ALK: variants seen among roughly 807,000 people sequenced by gnomAD.
The protein encoded by ALK is ALK receptor tyrosine kinase.
In ALK, 74 loss-of-function variants were observed where a neutral mutation model predicts 163.1. That is an observed-to-expected ratio of 0.45 (90% confidence interval 0.38 to 0.55). The LOEUF (loss-of-function observed/expected upper bound fraction) is 0.55. Among genes scored for constraint, ALK ranks in the 20% least tolerant of loss-of-function variants. The pLI, the probability that ALK is intolerant of heterozygous loss-of-function variation, is 0.00. For missense variants in ALK, 2,063 were observed against 2,105.3 expected (o/e 0.98, Z 0.39); for synonymous variants, 960 against 843.2 (o/e 1.14, Z -2.40).
chr2:29,735,442 G>T (rs776317503), intron 1 of ALK, among the ~76,000 whole-genome samples: 3 of 152,042 alleles, frequency 2.0e-5, no homozygotes, highest in Non-Finnish European at 2.9e-5. Context: ...TAGGTTAAAT[G>T]ATTTAGAAAA....
At chr2:29,761,392 T>C (rs1402341104) in intron 1 of ALK, among the ~76,000 whole-genome samples, 3 of 152,088 alleles carry the variant, frequency 2.0e-5, no homozygotes, top group East Asian at 1.9e-4. Context: ...ATGGGAGCAA[T>C]AGGATGATGA....
chr2:29,548,917 C>T (rs908067587), intron 3 of ALK, among the ~76,000 whole-genome samples: 1 of 151,936 alleles, frequency 6.6e-6, no homozygotes. Context: ...TTTAAAATGC[C>T]TTGAAGTTTG....
In ALK at chr2:29,587,972, T is replaced by C. The variant is rs371157779; in HGVS notation, c.953-55856A>G. Among the ~76,000 whole-genome samples the C allele has an allele frequency of 2.7e-3, 409 of 152,264 alleles. 7 individuals are homozygous for C. Among genetic ancestry groups the C allele is most frequent in the African/African-American group, 9.4e-3 (391 of 41,556 alleles). On this transcript the variant is annotated intron_variant, in intron 3 of 28. Transcript: ENST00000389048. Reference sequence around the variant, plus strand: ...TCCTCTTGGTTCTTGGGCCAAGACATGCCTCTTCTAGTTCAGGAAGCCAGA... The same window carrying C: ...TCCTCTTGGTTCTTGGGCCAAGACACGCCTCTTCTAGTTCAGGAAGCCAGA...
intron 1 of ALK, among the ~76,000 whole-genome samples, chr2:29,761,708 C>T (rs1402491754): frequency 2.0e-5 from 3 of 152,194 alleles, no homozygotes; most frequent in Non-Finnish European, 4.4e-5. Context: ...GTGGGCTCCA[C>T]ATAGCCATAC....
chr2:29,554,193 T>C (rs1673786174), intron 3 of ALK, among the ~76,000 whole-genome samples: 1 of 152,228 alleles, frequency 6.6e-6, no homozygotes, highest in Non-Finnish European at 1.5e-5. Flanking sequence ...TATGGATCTT[T>C]GGCTGGAAAT....
At chr2:29,590,877 T>C (rs915282217) in intron 3 of ALK, among the ~76,000 whole-genome samples, 1 of 151,584 alleles carries the variant, frequency 6.6e-6, no homozygotes, top group African/African-American at 2.4e-5. Flanking sequence ...CGAGACCATC[T>C]TGGCTAACAC....
At chr2:29,503,776 G>C (rs183760927) in intron 4 of ALK, among the ~76,000 whole-genome samples, 2 of 152,050 alleles carry the variant, frequency 1.3e-5, no homozygotes, top group Admixed American at 1.3e-4. Context: ...AAGCAGCAGG[G>C]GCTGGATTTA....
rs115778342 is a variant in ALK, at chr2:29,750,435, G to A, written c.668-32738C>T. Among the ~76,000 whole-genome samples, 1,276 of 152,200 alleles carry A rather than the reference G, an allele frequency of 8.4e-3. 16 individuals carry two copies. The highest frequency in any genetic ancestry group is 9.3e-3 in the Non-Finnish European group (635 of 68,018). On this transcript the variant is annotated intron_variant, in intron 1 of 28. Transcript: ENST00000389048. Reference sequence around the variant, plus strand: ...TCAAGAACCTTTGGAGGCCAAGGTGGGAGGACTCCTTGAGCCCAGGAGTTT... The same window carrying A: ...TCAAGAACCTTTGGAGGCCAAGGTGAGAGGACTCCTTGAGCCCAGGAGTTT...
At chr2:29,208,407 CAG>C (rs1669371282) in intron 25 of ALK, among the ~76,000 whole-genome samples, 1 of 152,094 alleles carries the variant, frequency 6.6e-6, no homozygotes, top group African/African-American at 2.4e-5. Context: ...AGTCAGATAA[CAG>C]AGGGCTCGAG....
At chr2:29,528,976 C>T (rs1311421472) in intron 4 of ALK, among the ~76,000 whole-genome samples, 4 of 152,208 alleles carry the variant, frequency 2.6e-5, no homozygotes, top group Non-Finnish European at 4.4e-5. Context: ...GCCCGGCAGC[C>T]TTGGCCAACG....
chr2:29,332,434 C>A (rs1387707442), intron 5 of ALK, among the ~76,000 whole-genome samples: 1 of 151,480 alleles, frequency 6.6e-6, no homozygotes. Flanking sequence ...ACCTGTCATT[C>A]CTCAAAGAGG....
At chr2:29,798,026 T>C (rs1664364705) in intron 1 of ALK, among the ~76,000 whole-genome samples, 1 of 151,514 alleles carries the variant, frequency 6.6e-6, no homozygotes, top group African/African-American at 2.4e-5. Flanking sequence ...TGCAGGCTTG[T>C]GACCAGGTAT....
chr2:29,848,717 G>A (rs1420689478), intron 1 of ALK, among the ~76,000 whole-genome samples: 1 of 152,152 alleles, frequency 6.6e-6, no homozygotes, highest in Non-Finnish European at 1.5e-5. Flanking sequence ...GGGTGAGGTG[G>A]GGGCTATGTC....
rs2148444294 is a variant in ALK, at chr2:29,920,698, A to G, written c.-39T>C. 1 of 1,508,530 alleles carries G rather than the reference A, an allele frequency of 6.6e-7. No homozygotes were observed. Among genetic ancestry groups the G allele is most frequent in the Non-Finnish European group, 8.9e-7 (1 of 1,124,516 alleles). The allele number at this position is 1,508,530 out of a possible 1,614,324, so 93.4% of individuals were successfully genotyped here. On this transcript the variant is annotated 5_prime_UTR_variant, in exon 1 of 29. Coordinates refer to ENST00000389048, the MANE Select transcript of ALK (RefSeq NM_004304.5). ...GCCGTTTACACTGCTCTCCGGGCCC[A>G]GCCTCACCCTTCGCTCTCCCCGAGA...
chr2:29,239,293 G>A (rs917252745), intron 13 of ALK, among the ~76,000 whole-genome samples: 1 of 152,152 alleles, frequency 6.6e-6, no homozygotes, highest in Non-Finnish European at 1.5e-5. Flanking sequence ...TCTCTGCCAA[G>A]GATGTTCTCA....
intron 2 of ALK, among the ~76,000 whole-genome samples, chr2:29,698,033 C>T (rs1209167691): frequency 6.6e-6 from 1 of 152,228 alleles, no homozygotes; most frequent in East Asian, 1.9e-4. Context: ...TGTCTTTCTG[C>T]TCCTCAGCTG....
rs145655117 is a variant in ALK at position 29,216,829 on chromosome 2, GTA to G, written c.3646-2750_3646-2749del. On this transcript the variant is annotated intron_variant, in intron 23 of 28. Transcript: ENST00000389048. ...TATGTGGCATATATGTGTGTGGTGT[GTA>G]TATGTGCAGTATATATGGTGTGTGT... Among the ~76,000 whole-genome samples, 920 of 150,898 alleles carry G rather than the reference GTA, an allele frequency of 6.1e-3. 5 individuals are homozygous for G. The highest frequency in any genetic ancestry group is 0.01 in the Non-Finnish European group (688 of 67,688).
intron 8 of ALK, among the ~76,000 whole-genome samples, chr2:29,299,666 G>T (rs967469543): frequency 6.6e-6 from 1 of 152,226 alleles, no homozygotes; most frequent in Admixed American, 6.5e-5. Flanking sequence ...ATTTCAAAGG[G>T]AAGTGTAAGA....
At chr2:29,732,447 C>G (rs528049293) in intron 1 of ALK, among the ~76,000 whole-genome samples, 1 of 152,222 alleles carries the variant, frequency 6.6e-6, no homozygotes, top group Non-Finnish European at 1.5e-5. Flanking sequence ...ACTGCCCACA[C>G]TTGTAGAACT....
Sources: allele counts gnomAD v4.1 joint callset (sites outside exome capture counted in the v4.1 genomes callset), GRCh38; gene constraint gnomAD v4.1.1; transcripts MANE v1.5; gene names NCBI Gene and HGNC (gene_info 2026-07-23, HGNC 2026-07-21).